The following FOXN1 variants were observed in gnomAD, a reference collection of about 807,000 sequenced individuals.
FOXN1 encodes forkhead box N1.
FOXN1 carries 15 observed loss-of-function variants against 49.0 expected under a neutral mutation model. The observed-to-expected ratio is 0.31, with a 90% CI of 0.20 to 0.47. The LOEUF is 0.47. Ranked by LOEUF, FOXN1 falls within the 20% of genes least tolerant of loss-of-function variation. The probability of loss-of-function intolerance (pLI) is 1.00; values close to 1 mark genes in which losing one functional copy is unlikely to be tolerated. For synonymous variants in FOXN1, 356 were observed against 369.0 expected (o/e 0.96, Z 0.40); for missense variants, 800 against 842.8 (o/e 0.95, Z 0.63).
rs756849720 is a variant in FOXN1 at position 28,534,425 on chromosome 17, G to A, written c.1022G>A (p.Arg341His). The change falls in exon 7 of 9, where the codon CGC becomes CAC. Residue 341 changes from arginine (R) to histidine (H), a missense_variant. Coordinates refer to ENST00000579795, the MANE Select transcript of FOXN1 (RefSeq NM_001369369.1). The surrounding 1 kb of genome is among the most constrained non-coding windows in gnomAD (Gnocchi z 4.1). ...KVENKSGSSS[R>H]KGCLWALNPA... ...GAGAACAAATCAGGAAGTTCCTCCC[G>A]CAAGGGCTGCCTGTGGGCCCTCAAT... 35 of 1,614,056 alleles carry A rather than the reference G, an allele frequency of 2.2e-5. No homozygotes were observed. The highest frequency in any genetic ancestry group is 1.0e-4 in the Admixed American group (6 of 60,004).
intron 1 of FOXN1, among the ~76,000 whole-genome samples, chr17:28,519,152 A>G (rs2069588454): frequency 6.6e-6 from 1 of 152,104 alleles, no homozygotes. Flanking sequence ...AAGGGAGGAT[A>G]ACATGAGACA....
rs890112809 is a variant in FOXN1 at position 28,538,256 on chromosome 17, G to A, written c.*820G>A. On this transcript the variant is annotated 3_prime_UTR_variant, in exon 9 of 9. Transcript: ENST00000579795. ...ACATGTCCTTTTTCCCCAGTCCCGGGTGCAGGAAGGGCCCCCTCCAGGTCA... is the reference window on the plus strand; with the variant it reads ...ACATGTCCTTTTTCCCCAGTCCCGGATGCAGGAAGGGCCCCCTCCAGGTCA... 5 of 152,046 alleles carry A rather than the reference G, an allele frequency of 3.3e-5. No homozygotes were observed. Among genetic ancestry groups the A allele is most frequent in the Admixed American group, 1.3e-4 (2 of 15,266 alleles). 9.4% of individuals were successfully genotyped at this position (152,046 alleles called of 1,614,324 possible). A position where few individuals can be genotyped will look rare whatever the true frequency, so the allele number is the denominator to read the frequency against.
rs887487453 is a variant in FOXN1 at position 28,538,843 on chromosome 17, T to G, written c.*1407T>G. ...TAGGAGGCATAAGCAGATCCCGCGA[T>G]GGCTTGTCATTGTCCCCTGTCCTGG... is the stretch of plus-strand genomic sequence containing the variant. On this transcript the variant is annotated 3_prime_UTR_variant, in exon 9 of 9. Coordinates refer to ENST00000579795, the MANE Select transcript of FOXN1 (RefSeq NM_001369369.1). 1.3e-5 allele frequency: 2 copies of G among 152,214 alleles called. No homozygotes were observed. The highest frequency in any genetic ancestry group is 2.9e-5 in the Non-Finnish European group (2 of 68,044). The allele number at this position is 152,214 out of a possible 1,614,324, so 9.4% of individuals were successfully genotyped here.
At chr17:28,536,378 C>G (rs2070064969) in intron 8 of FOXN1, among the ~76,000 whole-genome samples, 1 of 152,230 alleles carries the variant, frequency 6.6e-6, no homozygotes, top group African/African-American at 2.4e-5. Flanking sequence ...GCTTTCTCAT[C>G]TGGGCCTAGA....
intron 2 of FOXN1, 59 bp from the exon 3 acceptor site, chr17:28,524,444 C>A: frequency 1.4e-6 from 2 of 1,450,420 alleles, no homozygotes; most frequent in Non-Finnish European, 9.7e-7. Flanking sequence ...AGGGTCCCAG[C>A]CAGTCCCCAG....
At chr17:28,512,871 G>A (rs1555607225) in intron 1 of FOXN1, among the ~76,000 whole-genome samples, 1 of 152,188 alleles carries the variant, frequency 6.6e-6, no homozygotes, top group African/African-American at 2.4e-5. Context: ...GGCCGAGGAT[G>A]CTTAGGTGGG....
In FOXN1 at chr17:28,537,199, G is replaced by A. The variant is rs143371127; in HGVS notation, c.1710G>A (p.Ser570=). Reference sequence around the variant, plus strand: ...TGACCTCATCCCCGACATCATCTTCGATGCCACCACCCCAGCCACCACCTC... The same window carrying A: ...TGACCTCATCCCCGACATCATCTTCAATGCCACCACCCCAGCCACCACCTC... ...VLVTSSPTSS[S]MPPPQPPPHC... Residue 570 remains serine, a synonymous_variant, in exon 9 of 9, where the codon TCG becomes TCA. Transcript: ENST00000579795. The A allele has an allele frequency of 7.1e-4, 1,150 of 1,613,770 alleles. 7 individuals are homozygous for A. The African/African-American group carries it at 0.013, about 18-fold the overall frequency.
In FOXN1 at chr17:28,515,764, C is replaced by A. The variant is rs149187327; in HGVS notation, c.-14-8192C>A. ...GTATACACACTTTCACAGGAGTACA[C>A]CCCTCCACAGTGTACATACCTCCAA... On this transcript the variant is annotated intron_variant, in intron 1 of 8. Coordinates refer to ENST00000579795, the MANE Select transcript of FOXN1 (RefSeq NM_001369369.1). Among the ~76,000 whole-genome samples the A allele has an allele frequency of 4.1e-3, 625 of 151,888 alleles. 3 individuals are homozygous for A. The highest frequency in any genetic ancestry group is 0.014 in the African/African-American group (579 of 41,334).
intron 1 of FOXN1, among the ~76,000 whole-genome samples, chr17:28,521,689 T>C (rs1309046630): frequency 6.6e-6 from 1 of 152,226 alleles, no homozygotes; most frequent in Non-Finnish European, 1.5e-5. Flanking sequence ...GGCCCCCACC[T>C]AGACCCCGGC....
At chr17:28,511,465 C>T (rs1048877122) in intron 1 of FOXN1, among the ~76,000 whole-genome samples, 2 of 152,092 alleles carry the variant, frequency 1.3e-5, no homozygotes, top group Non-Finnish European at 2.9e-5. Context: ...TTGACCATCC[C>T]CCTGGGGCAC....
intron 1 of FOXN1, among the ~76,000 whole-genome samples, chr17:28,514,592 A>T (rs2069456607): frequency 1.3e-5 from 2 of 152,088 alleles, no homozygotes; most frequent in South Asian, 4.2e-4. Context: ...GACCCCTCCC[A>T]GCAGCCTGTC....
intron 5 of FOXN1, among the ~76,000 whole-genome samples, chr17:28,529,611 G>A (rs989086275): frequency 1.3e-5 from 2 of 152,174 alleles, no homozygotes. Flanking sequence ...AAGGAAATGG[G>A]GGATGAGGCC....
At position 28,538,644 on chromosome 17, in the gene FOXN1, C is replaced by T. The variant is rs1481036821; in HGVS notation, c.*1208C>T. 2.0e-5 allele frequency: 3 copies of T among 152,298 alleles called. No homozygotes were observed. Among genetic ancestry groups the T allele is most frequent in the East Asian group, 3.9e-4 (2 of 5,180 alleles). The allele number at this position is 152,298 out of a possible 1,614,324, so 9.4% of individuals were successfully genotyped here. A position where few individuals can be genotyped will look rare whatever the true frequency, so the allele number is the denominator to read the frequency against. ...GACAGGGAAGCACCCATGCAAAGCA[C>T]CCCCGCTTTGACTGCTTGGCAGACC... On this transcript the variant is annotated 3_prime_UTR_variant, in exon 9 of 9. Transcript: ENST00000579795.
At position 28,529,131 on chromosome 17, in the gene FOXN1, T is replaced by C. The variant is rs574409832; in HGVS notation, c.737T>C (p.Leu246Pro). 6 of 1,614,148 alleles carry C rather than the reference T, an allele frequency of 3.7e-6. No homozygotes were observed. Among genetic ancestry groups the C allele is most frequent in the African/African-American group, 1.3e-5 (1 of 75,034 alleles). ...PGGGSYPIPY[L>P]GSSHYQYQRM... ...GGTGGCAGCTACCCCATACCCTACC[T>C]GGGCTCCTCACACTATCAGTACCAG... Residue 246 changes from leucine to proline, a missense_variant, in exon 5 of 9, where the codon CTG becomes CCG. Physicochemically the swap from Leu to Pro is moderately conservative, Grantham distance 98. Coordinates refer to ENST00000579795, the MANE Select transcript of FOXN1 (RefSeq NM_001369369.1).
rs145917120 is a variant in FOXN1, at chr17:28,518,469, G to A, written c.-14-5487G>A. Among the ~76,000 whole-genome samples, 163 of 152,336 alleles carry A rather than the reference G, an allele frequency of 1.1e-3. No homozygotes were observed. The East Asian group carries it at 0.026, about 24-fold the overall frequency. ...GGAGATGTTGATGGGTAGAGCGGGC[G>A]CAGGCCGGCTGTTTGTGAGAAGGGC... On this transcript the variant is annotated intron_variant, in intron 1 of 8. Coordinates refer to ENST00000579795, the MANE Select transcript of FOXN1 (RefSeq NM_001369369.1).
intron 3 of FOXN1, among the ~76,000 whole-genome samples, chr17:28,525,779 G>T (rs909102429): frequency 6.6e-6 from 1 of 151,972 alleles, no homozygotes; most frequent in Non-Finnish European, 1.5e-5. Context: ...CCCAACAAAG[G>T]CTTAGAAGGA....
rs748592228 is a variant in FOXN1 at position 28,537,174 on chromosome 17, T to C, written c.1685T>C (p.Val562Ala). 3 of 1,614,030 alleles carry C rather than the reference T, an allele frequency of 1.9e-6. No homozygotes were observed. In the East Asian group the frequency reaches 6.7e-5, roughly 36 times the overall value. ...DSLALDPLVLVTSSPTSSSMP... is the reference protein window; with the variant it reads ...DSLALDPLVLATSSPTSSSMP... Reference sequence around the variant, plus strand: ...TTGGCCCTCGACCCCCTGGTACTGGTGACCTCATCCCCGACATCATCTTCG... The same window carrying C: ...TTGGCCCTCGACCCCCTGGTACTGGCGACCTCATCCCCGACATCATCTTCG... Residue 562 changes from valine to alanine, a missense_variant, in exon 9 of 9, where the codon GTG becomes GCG. Physicochemically the swap from Val to Ala is moderately conservative, Grantham distance 64. Transcript: ENST00000579795.
chr17:28,519,229 G>A (rs763905739), intron 1 of FOXN1, among the ~76,000 whole-genome samples: 2 of 152,128 alleles, frequency 1.3e-5, no homozygotes, highest in Non-Finnish European at 2.9e-5. Flanking sequence ...ACTTTGGGAG[G>A]CTAAGGCGGG....
chr17:28,537,803 T>C lies in FOXN1; in HGVS notation c.*367T>C. 2.8e-6 allele frequency: 1 copy of C among 362,890 alleles called. No individual in the cohort carries two copies. The highest frequency in any genetic ancestry group is 2.6e-5 in the South Asian group (1 of 37,886). The allele number at this position is 362,890 out of a possible 1,614,324, so 22.5% of individuals were successfully genotyped here. A position where few individuals can be genotyped will look rare whatever the true frequency, so the allele number is the denominator to read the frequency against. On this transcript the variant is annotated 3_prime_UTR_variant, in exon 9 of 9. Transcript: ENST00000579795. ...ATCTTACAGCCAGAGGAACCAGCAC[T>C]CCATCACTGAGAGCCCGACTTCGTT...
Sources: gnomAD v4.1 joint callset for allele counts (sites outside exome capture counted in the v4.1 genomes callset) on GRCh38, gnomAD v4.1.1 for gene constraint, Gnocchi (gnomAD v3.1) non-coding constraint, MANE v1.5 for transcripts, NCBI Gene and HGNC (gene_info 2026-07-23, HGNC 2026-07-21) for gene names.